ZNF614: variants seen among roughly 807,000 people sequenced by gnomAD.
ZNF614 encodes the protein zinc finger protein 614.
A neutral mutation model predicts 12.8 loss-of-function variants in ZNF614; 11 were observed. The observed-to-expected ratio is 0.86, with a 90% CI of 0.54 to 1.43. ZNF614 has a LOEUF of 1.43. Among genes scored for constraint, ZNF614 ranks in the 40% most tolerant of loss-of-function variants. The pLI is 0.00. For synonymous variants in ZNF614, 237 were observed against 237.5 expected, an observed-to-expected ratio of 1.00 and a Z score of 0.02; for missense variants, 664 against 708.8, an observed-to-expected ratio of 0.94 and a Z score of 0.72.
At position 52,016,524 on chromosome 19, in the gene ZNF614, A is replaced by C. The variant is rs760789267; in HGVS notation, c.1074T>G (p.Leu358=). ...CAGTATGAGTTCGCTGATGTACAAC[A>C]AGATAGCGCTTCATGGTGAAGCCTT... ...CGKGFTMKRY[L]VVHQRTHTGE... is the part of the protein sequence containing the mutation. The change falls in exon 5 of 5, where the codon CTT becomes CTG. Residue 358 remains leucine (L), a synonymous_variant. Transcript: ENST00000270649. 1 of 1,612,984 alleles carries C rather than the reference A, an allele frequency of 6.2e-7. No homozygotes were observed.
In ZNF614 at chr19:52,018,026, G is replaced by T. The variant is rs187371752; in HGVS notation, c.220C>A (p.Gln74Lys). 6.2e-7 allele frequency: 1 copy of T among 1,613,820 alleles called. No homozygotes were observed. Among genetic ancestry groups the T allele is most frequent in the Non-Finnish European group, 8.5e-7 (1 of 1,179,890 alleles). ...CACTTACCTGGACAATTTTTATTCT[G>T]AATTTTAGCATCTGTTGTCCATGGT... is the stretch of plus-strand genomic sequence containing the variant. ...QEPWTTDAKI[Q>K]NKNCPGIGKV... Residue 74 changes from glutamine (Q) to lysine (K), a missense_variant, in exon 4 of 5, where the codon CAG becomes AAG. Gln to Lys is a moderately conservative substitution (Grantham distance 53, BLOSUM62 1). Transcript: ENST00000270649.
Position 52,016,370 on chromosome 19 carries a change from C to T in ZNF614, c.1228G>A (p.Val410Ile), listed in dbSNP as rs771704436. 3 of 1,613,052 alleles carry T rather than the reference C, an allele frequency of 1.9e-6. No homozygotes were observed. The highest frequency in any genetic ancestry group is 2.5e-6 in the Non-Finnish European group (3 of 1,179,300). ...ICSECGKGFT[V>I]KRTLVIHQRT... is the part of the protein sequence containing the mutation. ...TGATGTATAACGAGAGTGCGTTTGA[C>T]AGTGAAGCCTTTTCCACATTCGCTG... Residue 410 changes from valine (V) to isoleucine (I), a missense_variant, in exon 5 of 5, where the codon GTC becomes ATC. Physicochemically the swap from Val to Ile is conservative, Grantham distance 29. Coordinates refer to ENST00000270649, the MANE Select transcript of ZNF614 (RefSeq NM_025040.4).
intron 2 of ZNF614, among the ~76,000 whole-genome samples, chr19:52,023,303 G>A (rs937595977): frequency 2.6e-5 from 4 of 151,626 alleles, no homozygotes; most frequent in Non-Finnish European, 4.4e-5. Flanking sequence ...TGAGTAGCTG[G>A]GACTATAGGC....
chr19:52,025,628 A>C (rs767811528), intron 2 of ZNF614, 103 bp downstream of exon 2: 11 of 1,340,252 alleles, frequency 8.2e-6, no homozygotes, highest in Admixed American at 7.7e-5. Context: ...ATGTAAGTTA[A>C]TTTCTCCCTA....
Position 52,018,504 on chromosome 19 carries a change from C to T in ZNF614, c.16-10G>A, listed in dbSNP as rs370407488. ...CCAGGGTCAGTGATTCCTGTAATTA[C>T]AAAGTCCTATTCAATATGATATAAA... On this transcript the variant is annotated splice_polypyrimidine_tract_variant and intron_variant, in intron 2 of 4. Transcript: ENST00000270649. 114 of 1,613,686 alleles carry T rather than the reference C, an allele frequency of 7.1e-5. No homozygotes were observed. The highest frequency in any genetic ancestry group is 9.2e-5 in the Non-Finnish European group (108 of 1,179,804).
At position 52,018,393 on chromosome 19, in the gene ZNF614, C is replaced by T; in HGVS notation, c.117G>A (p.Glu39=). The change falls in exon 3 of 5, where the codon GAG becomes GAA. Residue 39 remains glutamate, a synonymous_variant. Coordinates refer to ENST00000270649, the MANE Select transcript of ZNF614 (RefSeq NM_025040.4). ...QKNLYRDVMV[E]NYNHLVSLGY... ...CCAGTGATACTAGGTGGTTATAGTT[C>T]TCCACCATCACATCCCGGTACAGGT... The T allele has an allele frequency of 6.2e-7, 1 of 1,614,074 alleles. No individual in the cohort carries two copies. Among genetic ancestry groups the T allele is most frequent in the Non-Finnish European group, 8.5e-7 (1 of 1,180,000 alleles).
At position 52,025,943 on chromosome 19, in the gene ZNF614, G is replaced by A; in HGVS notation, c.-198C>T. ...GCTTCACTTGAGTTATTTTGCTTCTGGGAGCCAGGACCTGAGGACTGATAA... is the reference window on the plus strand; with the variant it reads ...GCTTCACTTGAGTTATTTTGCTTCTAGGAGCCAGGACCTGAGGACTGATAA... On this transcript the variant is annotated 5_prime_UTR_variant, in exon 2 of 5. Transcript: ENST00000270649. 1.7e-6 allele frequency: 1 copy of A among 589,760 alleles called. No individual in the cohort carries two copies. Among genetic ancestry groups the A allele is most frequent in the East Asian group, 3.0e-5 (1 of 33,788 alleles). 36.5% of individuals were successfully genotyped at this position (589,760 alleles called of 1,614,324 possible).
At position 52,015,652 on chromosome 19, in the gene ZNF614, T is replaced by G. The variant is rs765954254; in HGVS notation, c.*188A>C. On this transcript the variant is annotated 3_prime_UTR_variant, in exon 5 of 5. Coordinates refer to ENST00000270649, the MANE Select transcript of ZNF614 (RefSeq NM_025040.4). ...CCACTAAAGGCACTACCTTATTTAC[T>G]GTATTCATCAAATTGATCTCTAGGG... 1.9e-5 allele frequency: 11 copies of G among 570,516 alleles called. No homozygotes were observed. The highest frequency in any genetic ancestry group is 3.4e-5 in the Non-Finnish European group (11 of 323,908). The allele number at this position is 570,516 out of a possible 1,614,324, so 35.3% of individuals were successfully genotyped here.
In ZNF614 at chr19:52,016,640, ATT is replaced by A; in HGVS notation, c.956_957del (p.Glu319ValfsTer28). 1.2e-6 allele frequency: 2 copies of A among 1,614,196 alleles called. No homozygotes were observed. Among genetic ancestry groups the A allele is most frequent in the Non-Finnish European group, 1.7e-6 (2 of 1,180,046 alleles). ...CTCTTCACAGTGAAACCTTTTCCACATTCTTTGCACACATAAGGTTTCTCTCC... is the reference window on the plus strand; with the variant it reads ...CTCTTCACAGTGAAACCTTTTCCACACTTTGCACACATAAGGTTTCTCTCC... ...HSGEKPYVCK[E>X]CGKGFTVKSN... On this transcript the variant is annotated frameshift_variant, in exon 5 of 5. Coordinates refer to ENST00000270649, the MANE Select transcript of ZNF614 (RefSeq NM_025040.4). LOFTEE classifies it low-confidence loss of function (END_TRUNC).
Position 52,016,777 on chromosome 19 carries a change from A to G in ZNF614, c.821T>C (p.Leu274Pro), listed in dbSNP as rs751467823. The G allele has an allele frequency of 1.9e-6, 3 of 1,614,064 alleles. No individual in the cohort carries two copies. The highest frequency in any genetic ancestry group is 1.1e-5 in the South Asian group (1 of 91,082). ...YRKGSTVKSS[L>P]ITHQQTHTEE... The stretch of plus-strand genomic sequence containing the variant: ...TGTATGGGTTTGTTGATGTGTAATG[A>G]GACTACTCTTCACAGTAGAGCCTTT... The change falls in exon 5 of 5, where the codon CTC (leucine) becomes CCC (proline). Residue 274 changes from leucine (L) to proline (P), a missense_variant. Transcript: ENST00000270649.
chr19:52,024,419 T>C (rs1003552038), intron 2 of ZNF614, among the ~76,000 whole-genome samples: 1 of 152,082 alleles, frequency 6.6e-6, no homozygotes, highest in African/African-American at 2.4e-5. Context: ...AATTTTAGAA[T>C]ACCTAATAGG....
Position 52,016,503 on chromosome 19 carries a change from A to T in ZNF614, c.1095T>A (p.His365Gln), listed in dbSNP as rs2086898488. The T allele has an allele frequency of 1.2e-6, 2 of 1,614,088 alleles. No homozygotes were observed. The highest frequency in any genetic ancestry group is 1.7e-5 in the Admixed American group (1 of 60,024). ...TGCACATATAGGGTTTCTCTCCAGT[A>T]TGAGTTCGCTGATGTACAACAAGAT... ...KRYLVVHQRT[H>Q]TGEKPYMCSE... Residue 365 changes from histidine to glutamine, a missense_variant, in exon 5 of 5, where the codon CAT becomes CAA. By Grantham distance (24) the His-to-Gln change is conservative. Transcript: ENST00000270649.
intron 2 of ZNF614, among the ~76,000 whole-genome samples, chr19:52,022,595 TAAA>T (rs75027990): frequency 7.7e-6 from 1 of 129,636 alleles, no homozygotes; most frequent in Non-Finnish European, 1.7e-5. Flanking sequence ...ATATATAATT[TAAA>T]AAAAAAAAAA....
Position 52,016,123 on chromosome 19 carries a change from T to A in ZNF614, c.1475A>T (p.Tyr492Phe). Residue 492 changes from tyrosine to phenylalanine, a missense_variant, in exon 5 of 5, where the codon TAT becomes TTT. Coordinates refer to ENST00000270649, the MANE Select transcript of ZNF614 (RefSeq NM_025040.4). ...GGTAATGAGGCCATATTTGTGTGAATAGGATTTTCCGCACTCGGTACATAC... is the reference window on the plus strand; with the variant it reads ...GGTAATGAGGCCATATTTGTGTGAAAAGGATTTTCCGCACTCGGTACATAC... ...PFVCTECGKS[Y>F]SHKYGLITHQ... 1.9e-6 allele frequency: 3 copies of A among 1,614,092 alleles called. No individual in the cohort carries two copies. Among genetic ancestry groups the A allele is most frequent in the African/African-American group, 2.7e-5 (2 of 75,004 alleles).
chr19:52,022,224 T>C (rs2086936624), intron 2 of ZNF614, among the ~76,000 whole-genome samples: 1 of 152,264 alleles, frequency 6.6e-6, no homozygotes, highest in African/African-American at 2.4e-5. Context: ...ATTCTGACAC[T>C]ATCTTTGTCA....
In ZNF614 at chr19:52,017,236, A is replaced by G; in HGVS notation, c.362T>C (p.Phe121Ser). ...RNIVHLSKTH[F>S]PIVQNHDTFD... ...TGTATCATGATTTTGCACTATAGGA[A>G]AATGTGTCTTGCTGAGATGTACAAT... is the stretch of plus-strand genomic sequence containing the variant. Residue 121 changes from phenylalanine to serine, a missense_variant, in exon 5 of 5, where the codon TTT becomes TCT. Coordinates refer to ENST00000270649, the MANE Select transcript of ZNF614 (RefSeq NM_025040.4). The G allele has an allele frequency of 6.2e-7, 1 of 1,614,124 alleles. No individual in the cohort carries two copies.
chr19:52,017,419 T>A, intron 4 of ZNF614, 60 bp from the exon 5 acceptor site: 1 of 1,493,686 alleles, frequency 6.7e-7, no homozygotes, highest in Non-Finnish European at 8.9e-7. Context: ...AAAATGCTTA[T>A]GAGGCCGGGC....
Position 52,016,979 on chromosome 19 carries a change from A to T in ZNF614, c.619T>A (p.Cys207Ser). The change falls in exon 5 of 5, where the codon TGC becomes AGC. Residue 207 changes from cysteine (C) to serine (S), a missense_variant. Physicochemically the swap from Cys to Ser is moderately radical, Grantham distance 112 (BLOSUM62 -1). Coordinates refer to ENST00000270649, the MANE Select transcript of ZNF614 (RefSeq NM_025040.4). ...RTQKIEKPHACIECEQTFLRK... is the reference protein window; with the variant it reads ...RTQKIEKPHASIECEQTFLRK... ...AGGAAGGTTTGCTCACATTCAATGC[A>T]TGCATGGGGTTTCTCAATTTTCTGA... 6.2e-7 allele frequency: 1 copy of T among 1,613,910 alleles called. No homozygotes were observed.
At chr19:52,021,846 G>C (rs1037274442) in intron 2 of ZNF614, among the ~76,000 whole-genome samples, 1 of 151,960 alleles carries the variant, frequency 6.6e-6, no homozygotes. Flanking sequence ...TAAAAGAGAA[G>C]TAAGACTCTA....
Sources: allele counts gnomAD v4.1 joint callset (sites outside exome capture counted in the v4.1 genomes callset), GRCh38; gene constraint gnomAD v4.1.1; transcripts MANE v1.5; gene names NCBI Gene and HGNC (gene_info 2026-07-23, HGNC 2026-07-21).